Variants in NALF1 observed in about 807,000 individuals in gnomAD.
NALF1 encodes NALCN channel auxiliary factor 1.
Under a neutral mutation model 48.4 loss-of-function variants are expected in NALF1, and 3 were observed. The ratio of observed to expected loss-of-function variants is 0.06; its 90% CI spans 0.03 to 0.16. The LOEUF (loss-of-function observed/expected upper bound fraction) is 0.16. Among genes scored for constraint, NALF1 ranks in the 10% least tolerant of loss-of-function variants. NALF1 has a pLI of 1.00. For synonymous variants in NALF1, 262 were observed against 245.7 expected (o/e 1.07, Z -0.62); for missense variants, 526 against 571.5 (o/e 0.92, Z 0.81).
intron 1 of NALF1, among the ~76,000 whole-genome samples, chr13:107,337,292 T>G (rs1398542673): frequency 6.6e-6 from 1 of 152,082 alleles, no homozygotes; most frequent in Non-Finnish European, 1.5e-5. Context: ...TTAGATTACT[T>G]TGCAAGAGGA....
At chr13:107,557,272 C>T (rs909133623) in intron 1 of NALF1, among the ~76,000 whole-genome samples, 4 of 152,288 alleles carry the variant, frequency 2.6e-5, no homozygotes, top group Admixed American at 2.0e-4. Flanking sequence ...ACAATGCAAA[C>T]AAACAAGCAC....
At chr13:107,785,457 G>A (rs76063661) in intron 1 of NALF1, among the ~76,000 whole-genome samples, 1 of 152,192 alleles carries the variant, frequency 6.6e-6, no homozygotes, top group South Asian at 2.1e-4. Flanking sequence ...GGTATGGAAA[G>A]CCAAACATCG....
At chr13:107,800,509 C>T (rs901000544) in intron 1 of NALF1, among the ~76,000 whole-genome samples, 9 of 146,582 alleles carry the variant, frequency 6.1e-5, no homozygotes, top group African/African-American at 2.3e-4. Context: ...CCATCATAAA[C>T]CAAGCATTTG....
chr13:107,401,682 T>C (rs886523811), intron 1 of NALF1, among the ~76,000 whole-genome samples: 4 of 121,240 alleles, frequency 3.3e-5, no homozygotes, highest in African/African-American at 1.0e-4. Flanking sequence ...ACAGAAATAG[T>C]TGTTACTTTG....
intron 1 of NALF1, among the ~76,000 whole-genome samples, chr13:107,219,484 T>C (rs1879946148): frequency 6.6e-6 from 1 of 152,184 alleles, no homozygotes. Context: ...GGAAATGGAA[T>C]TGAGTCTTAA....
chr13:107,319,408 TGACAA>T (rs1256905674), intron 1 of NALF1, among the ~76,000 whole-genome samples: 2 of 151,940 alleles, frequency 1.3e-5, no homozygotes, highest in Non-Finnish European at 1.5e-5. Flanking sequence ...AATGGAGATA[TGACAA>T]GAACCTGGAT....
chr13:107,544,624 G>A (rs1359708157), intron 1 of NALF1, among the ~76,000 whole-genome samples: 5 of 152,080 alleles, frequency 3.3e-5, no homozygotes, highest in Admixed American at 6.6e-5. Context: ...ACGGGCACTC[G>A]ATAGCCATGA....
intron 1 of NALF1, among the ~76,000 whole-genome samples, chr13:107,361,192 G>T (rs1321144347): frequency 6.6e-6 from 1 of 152,096 alleles, no homozygotes; most frequent in Non-Finnish European, 1.5e-5. Context: ...TAAACAAAAA[G>T]CTACTAACTG....
chr13:107,287,483 A>C (rs1708776218), intron 1 of NALF1, among the ~76,000 whole-genome samples: 1 of 152,092 alleles, frequency 6.6e-6, no homozygotes. Context: ...GGCTTCTCTA[A>C]TACTTTGAAA....
intron 1 of NALF1, among the ~76,000 whole-genome samples, chr13:107,798,183 T>C (rs1229733040): frequency 6.6e-6 from 1 of 152,184 alleles, no homozygotes; most frequent in Non-Finnish European, 1.5e-5. Flanking sequence ...TCAACAACAA[T>C]GAGTAGAGAA....
rs939787730 is a variant in NALF1, at chr13:107,856,566, T to C, written c.915+9116A>G. ...AAATTATTCTCACTGATAACATGGA[T>C]AGGAATCAGAGAAATAATTTAAAGT... is the stretch of plus-strand genomic sequence containing the variant. On this transcript the variant is annotated intron_variant, in intron 1 of 2. Coordinates refer to ENST00000375915, the MANE Select transcript of NALF1 (RefSeq NM_001080396.3). Among the ~76,000 whole-genome samples the C allele has an allele frequency of 3.3e-5, 5 of 152,170 alleles. 1 individual carries two copies. The highest frequency in any genetic ancestry group is 4.1e-4 in the South Asian group (2 of 4,822).
chr13:107,387,274 T>A (rs1025488540), intron 1 of NALF1, among the ~76,000 whole-genome samples: 1 of 152,318 alleles, frequency 6.6e-6, no homozygotes, highest in Non-Finnish European at 1.5e-5. Context: ...CTTGTATGAA[T>A]TGATTTCTCT....
At chr13:107,194,046 ATCTATCTATC>A (rs1566446874) in intron 2 of NALF1, among the ~76,000 whole-genome samples, 240 of 120,012 alleles carry the variant, frequency 2.0e-3, no homozygotes, top group African/African-American at 4.4e-3. Flanking sequence ...CTATCTATCT[ATCTATCTATC>A]TATATATCAA....
At position 107,470,329 on chromosome 13, in the gene NALF1, T is replaced by C. The variant is rs186650928; in HGVS notation, c.916-259574A>G. 3.6e-3 allele frequency among the ~76,000 whole-genome samples: 553 copies of C among 152,326 alleles called. 3 individuals carry two copies. Among genetic ancestry groups the C allele is most frequent in the South Asian group, 6.2e-3 (30 of 4,824 alleles). ...TAGGACACCTATCCTCAAAAGTTCATGGTTGAACATTCTTTTATCTTTCAG... is the reference window on the plus strand; with the variant it reads ...TAGGACACCTATCCTCAAAAGTTCACGGTTGAACATTCTTTTATCTTTCAG... On this transcript the variant is annotated intron_variant, in intron 1 of 2. Transcript: ENST00000375915.
At chr13:107,577,019 A>G (rs946341929) in intron 1 of NALF1, among the ~76,000 whole-genome samples, 1 of 152,192 alleles carries the variant, frequency 6.6e-6, no homozygotes, top group Non-Finnish European at 1.5e-5. Flanking sequence ...AGGGCCTACT[A>G]TTCTCTGACC....
rs529786664 is a variant in NALF1 at position 107,765,761 on chromosome 13, G to A, written c.915+99921C>T. Among the ~76,000 whole-genome samples the A allele has an allele frequency of 1.1e-4, 17 of 152,184 alleles. No individual in the cohort carries two copies. In the South Asian group the frequency reaches 3.5e-3, roughly 32 times the overall value. On this transcript the variant is annotated intron_variant, in intron 1 of 2. Coordinates refer to ENST00000375915, the MANE Select transcript of NALF1 (RefSeq NM_001080396.3). ...TGAATAGTTCTGAAATACTGCCTTA[G>A]TTTATTTAAGCTACTAAGTAAATAA...
chr13:107,479,304 C>T (rs1283435214), intron 1 of NALF1, among the ~76,000 whole-genome samples: 1 of 152,158 alleles, frequency 6.6e-6, no homozygotes. Flanking sequence ...AAACTCCTGG[C>T]ATCATAACTA....
intron 1 of NALF1, among the ~76,000 whole-genome samples, chr13:107,417,366 C>G (rs1011726701): frequency 8.5e-5 from 13 of 152,114 alleles, no homozygotes; most frequent in African/African-American, 3.1e-4. Flanking sequence ...TCAGACTTTC[C>G]AAGAGGTATC....
Position 107,277,664 on chromosome 13 carries a change from G to T in NALF1, c.916-66909C>A, listed in dbSNP as rs577084498. Reference sequence around the variant, plus strand: ...GAAGATGAACCATGTAAACTATTTCGGCTTCTCTCCTTCTCCATATTCCCA... The same window carrying T: ...GAAGATGAACCATGTAAACTATTTCTGCTTCTCTCCTTCTCCATATTCCCA... On this transcript the variant is annotated intron_variant, in intron 1 of 2. Coordinates refer to ENST00000375915, the MANE Select transcript of NALF1 (RefSeq NM_001080396.3). 2.6e-5 allele frequency among the ~76,000 whole-genome samples: 4 copies of T among 152,094 alleles called. No homozygotes were observed. In the South Asian group the frequency reaches 8.3e-4, roughly 32 times the overall value.
Sources: allele counts gnomAD v4.1 joint callset (sites outside exome capture counted in the v4.1 genomes callset), GRCh38; gene constraint gnomAD v4.1.1; transcripts MANE v1.5; gene names NCBI Gene and HGNC (gene_info 2026-07-23, HGNC 2026-07-21).